WSB2: variants seen among roughly 807,000 people sequenced by gnomAD.
WSB2 encodes WD repeat and SOCS box-containing protein 2.
A neutral mutation model predicts 48.8 loss-of-function variants in WSB2; 12 were observed. That is an observed-to-expected ratio of 0.25 (90% confidence interval 0.16 to 0.40). WSB2 has a LOEUF of 0.40. Ranked by LOEUF, WSB2 falls within the 10% of genes least tolerant of loss-of-function variation. The probability of loss-of-function intolerance (pLI) is 1.00; values close to 1 mark genes in which losing one functional copy is unlikely to be tolerated. For missense variants in WSB2, 317 were observed against 506.2 expected (o/e 0.63, Z 3.59); for synonymous variants, 191 against 203.1 (o/e 0.94, Z 0.51).
At position 118,060,669 on chromosome 12, in the gene WSB2, T is replaced by C. The variant is rs1020022755; in HGVS notation, c.13+367A>G. Reference sequence around the variant, plus strand: ...ACATGCAAGTGCGTCCCCTGGCACCTGGGTACCCAGGGGCACCCACCCCCT... The same window carrying C: ...ACATGCAAGTGCGTCCCCTGGCACCCGGGTACCCAGGGGCACCCACCCCCT... On this transcript the variant is annotated intron_variant, in intron 1 of 8. Coordinates refer to ENST00000315436, the MANE Select transcript of WSB2 (RefSeq NM_018639.5). This position sits in a 1 kb window ranked among gnomAD's most constrained non-coding sequence, Gnocchi z 4.1. Among the ~76,000 whole-genome samples, 8 of 152,062 alleles carry C rather than the reference T, an allele frequency of 5.3e-5. No homozygotes were observed. The highest frequency in any genetic ancestry group is 1.9e-4 in the African/African-American group (8 of 41,440).
At position 118,060,948 on chromosome 12, in the gene WSB2, AG is replaced by A; in HGVS notation, c.13+87del. On this transcript the variant is annotated intron_variant, in intron 1 of 8. Transcript: ENST00000315436. The surrounding 1 kb of genome is among the most constrained non-coding windows in gnomAD (Gnocchi z 4.1). ...GTCCAGCCCCCGCCCCACCCCGCCC[AG>A]CCCGCCCCGGGGTCGCCTCCCCCCT... The A allele has an allele frequency of 6.4e-6, 1 of 157,054 alleles. No individual in the cohort carries two copies. The highest frequency in any genetic ancestry group is 1.2e-5 in the Non-Finnish European group (1 of 84,776). 9.7% of individuals were successfully genotyped at this position (157,054 alleles called of 1,614,324 possible). A position where few individuals can be genotyped will look rare whatever the true frequency, so the allele number is the denominator to read the frequency against.
chr12:118,035,492 T>C (rs1446932071), intron 6 of WSB2, among the ~76,000 whole-genome samples, 168 bp from the exon 7 acceptor site: 1 of 152,126 alleles, frequency 6.6e-6, no homozygotes, highest in Non-Finnish European at 1.5e-5. Flanking sequence ...AAAAAAAGGG[T>C]ATCTCAGAAG....
intron 8 of WSB2, 135 bp downstream of exon 8, chr12:118,034,851 A>C (rs1284392730): frequency 9.3e-6 from 7 of 749,430 alleles, no homozygotes; most frequent in Non-Finnish European, 1.3e-5. Context: ...CGATCATTTG[A>C]GTTTTATATA....
At chr12:118,046,009 T>C (rs2031737939) in intron 2 of WSB2, among the ~76,000 whole-genome samples, 1 of 152,224 alleles carries the variant, frequency 6.6e-6, no homozygotes, top group South Asian at 2.1e-4. Flanking sequence ...TCATCCATGT[T>C]GTAGCAAATG....
chr12:118,044,239 A>C (rs1278129618), intron 2 of WSB2, among the ~76,000 whole-genome samples: 1 of 152,168 alleles, frequency 6.6e-6, no homozygotes, highest in Admixed American at 6.5e-5. Context: ...TGCTCCAGGG[A>C]GTCACATGCT....
chr12:118,033,723 A>G lies in WSB2; in HGVS notation c.*473T>C, dbSNP rs1464103737. 6.4e-6 allele frequency: 1 copy of G among 155,570 alleles called. No homozygotes were observed. The highest frequency in any genetic ancestry group is 1.4e-5 in the Non-Finnish European group (1 of 70,188). 9.6% of individuals were successfully genotyped at this position (155,570 alleles called of 1,614,324 possible). A position where few individuals can be genotyped will look rare whatever the true frequency, so the allele number is the denominator to read the frequency against. On this transcript the variant is annotated 3_prime_UTR_variant, in exon 9 of 9. Coordinates refer to ENST00000315436, the MANE Select transcript of WSB2 (RefSeq NM_018639.5). ...AAAGCACTTGGCCAACATCGAAGCAACTCTGACCACAGCAGGAGAGAACTT... is the reference window on the plus strand; with the variant it reads ...AAAGCACTTGGCCAACATCGAAGCAGCTCTGACCACAGCAGGAGAGAACTT...
intron 1 of WSB2, among the ~76,000 whole-genome samples, chr12:118,058,760 G>T (rs898006178): frequency 6.6e-6 from 1 of 151,216 alleles, no homozygotes; most frequent in Non-Finnish European, 1.5e-5. Context: ...GCAATGGCGA[G>T]ATCTTGGTTC....
In WSB2 at chr12:118,036,328, C is replaced by T. The variant is rs770240745; in HGVS notation, c.833+10G>A. 60 of 1,610,374 alleles carry T rather than the reference C, an allele frequency of 3.7e-5. No homozygotes were observed. The highest frequency in any genetic ancestry group is 5.3e-5 in the African/African-American group (4 of 74,862). On this transcript the variant is annotated intron_variant, in intron 6 of 8. Transcript: ENST00000315436. Reference sequence around the variant, plus strand: ...CCACAAAAAAGTCATAGCAGGGATTCAGTCCTTACTGGAGTGACCTCAGCC... The same window carrying T: ...CCACAAAAAAGTCATAGCAGGGATTTAGTCCTTACTGGAGTGACCTCAGCC...
chr12:118,043,784 G>A (rs893513572), intron 2 of WSB2, among the ~76,000 whole-genome samples: 2 of 151,928 alleles, frequency 1.3e-5, no homozygotes, highest in African/African-American at 4.8e-5. Context: ...GCTGGCCTTC[G>A]GTGAAATCTG....
At chr12:118,041,194 C>G (rs1166865657) in intron 4 of WSB2, among the ~76,000 whole-genome samples, 2 of 152,190 alleles carry the variant, frequency 1.3e-5, no homozygotes, top group African/African-American at 4.8e-5. Context: ...CCCTAATCCC[C>G]AATGTGATGG....
chr12:118,061,605 C>G (rs2032068703), upstream of WSB2, among the ~76,000 whole-genome samples: 1 of 149,154 alleles, frequency 6.7e-6, no homozygotes, highest in Admixed American at 6.7e-5. Context: ...GTGGTAGAGC[C>G]GGGCTGAGAG....
At chr12:118,053,460 C>T (rs771836387) in intron 1 of WSB2, among the ~76,000 whole-genome samples, 13 of 152,264 alleles carry the variant, frequency 8.5e-5, no homozygotes, top group African/African-American at 3.1e-4. Context: ...GGAAATAAGT[C>T]GCACCTTGTT....
At chr12:118,061,271 G>A (rs1234234891), upstream of WSB2, 1 of 812,846 alleles carries the variant, frequency 1.2e-6, no homozygotes, top group Non-Finnish European at 1.5e-6. Flanking sequence ...AAAACGGTGG[G>A]GGGCAGCTGA....
chr12:118,048,170 C>T (rs2031780432), intron 2 of WSB2, among the ~76,000 whole-genome samples: 1 of 152,144 alleles, frequency 6.6e-6, no homozygotes, highest in African/African-American at 2.4e-5. Context: ...CTCAAGTGAT[C>T]CTCCCACTTC....
intron 1 of WSB2, among the ~76,000 whole-genome samples, chr12:118,057,513 G>A (rs1444291044): frequency 6.6e-6 from 1 of 152,142 alleles, no homozygotes; most frequent in Non-Finnish European, 1.5e-5. Flanking sequence ...GACCTCAGGT[G>A]ATCTGCCCAC....
chr12:118,061,742 T>A (rs1355115025), upstream of WSB2, among the ~76,000 whole-genome samples: 2 of 97,320 alleles, frequency 2.1e-5, no homozygotes, highest in African/African-American at 8.5e-5. Flanking sequence ...AATGGAGCCA[T>A]GCGAAGGCCG....
At chr12:118,034,584 T>TCTCTCTCTCTCTCTCTCTCTCTCTC (rs33933604) in intron 8 of WSB2, 14 of 521,674 alleles carry the variant, frequency 2.7e-5, no homozygotes, top group Non-Finnish European at 4.2e-5. Flanking sequence ...GCTCTCTCTG[T>TCTCTCTCTCTCTCTCTCTCTCTCTC]CTCTCTCTCG....
upstream of WSB2, chr12:118,062,157 C>G: frequency 5.9e-6 from 9 of 1,535,452 alleles, no homozygotes; most frequent in Non-Finnish European, 7.8e-6. Context: ...CCCTGTCTAC[C>G]CGCATAGCCT....
upstream of WSB2, chr12:118,061,318 C>T (rs1325028616): frequency 6.6e-6 from 3 of 456,780 alleles, no homozygotes; most frequent in Non-Finnish European, 5.4e-6. Flanking sequence ...GGTACGCTGA[C>T]GGGATAAAAG....
Sources: gnomAD v4.1 joint callset for allele counts (sites outside exome capture counted in the v4.1 genomes callset) on GRCh38, gnomAD v4.1.1 for gene constraint, Gnocchi (gnomAD v3.1) non-coding constraint, MANE v1.5 for transcripts, NCBI Gene and HGNC (gene_info 2026-07-23, HGNC 2026-07-21) for gene names.